Variants in AGO3 observed in about 807,000 individuals in gnomAD.
AGO3 encodes protein argonaute-3.
Under a neutral mutation model 105.5 loss-of-function variants are expected in AGO3, and 16 were observed. The observed-to-expected ratio is 0.15, with a 90% CI of 0.10 to 0.23. The LOEUF (loss-of-function observed/expected upper bound fraction) is 0.23, where lower values mean the gene tolerates loss of function less well. Among genes scored for constraint, AGO3 ranks in the 10% least tolerant of loss-of-function variants. AGO3 has a pLI of 1.00. For synonymous variants in AGO3, 340 were observed against 367.3 expected (o/e 0.93, Z 0.85); for missense variants, 534 against 1,088.0 (o/e 0.49, Z 7.16).
At chr1:35,963,333 T>A (rs1646712389) in intron 2 of AGO3, among the ~76,000 whole-genome samples, 1 of 152,074 alleles carries the variant, frequency 6.6e-6, no homozygotes, top group African/African-American at 2.4e-5. Context: ...ATACAACCAA[T>A]TTTTTACAGA....
intron 2 of AGO3, 74 bp from the exon 3 acceptor site, chr1:35,966,880 AG>A: frequency 6.7e-7 from 1 of 1,482,418 alleles, no homozygotes; most frequent in Non-Finnish European, 9.0e-7. Context: ...ATACAGTGGC[AG>A]AAATTACTTC....
At chr1:36,011,414 T>C (rs1640607807) in intron 9 of AGO3, among the ~76,000 whole-genome samples, 1 of 152,144 alleles carries the variant, frequency 6.6e-6, no homozygotes, top group Admixed American at 6.5e-5. Context: ...ACATGATATT[T>C]AATTAGGAAA....
rs191563313 is a variant in AGO3 at position 36,066,801 on chromosome 1, G to C, written c.*11056G>C. 2.4e-4 allele frequency: 36 copies of C among 152,306 alleles called. No individual in the cohort carries two copies. Among genetic ancestry groups the C allele is most frequent in the African/African-American group, 8.4e-4 (35 of 41,562 alleles). The allele number at this position is 152,306 out of a possible 1,614,324, so 9.4% of individuals were successfully genotyped here. On this transcript the variant is annotated 3_prime_UTR_variant, in exon 19 of 19. Coordinates refer to ENST00000373191, the MANE Select transcript of AGO3 (RefSeq NM_024852.4). ...TAAAGAAATAGACTAGTAGGATTGT[G>C]AGAATATATAGTGAGGGGGGATTTA...
intron 5 of AGO3, among the ~76,000 whole-genome samples, chr1:35,995,568 A>G (rs1156635550): frequency 6.6e-6 from 1 of 152,172 alleles, no homozygotes; most frequent in African/African-American, 2.4e-5. Context: ...ATTATCCTCT[A>G]CTTAACAGCA....
chr1:35,956,834 G>C (rs1332497720), intron 2 of AGO3, among the ~76,000 whole-genome samples: 1 of 151,466 alleles, frequency 6.6e-6, no homozygotes. Context: ...TTTTAGTAGA[G>C]ATAGGGTTTC....
chr1:35,951,113 G>C (rs1646463060), intron 2 of AGO3, among the ~76,000 whole-genome samples: 1 of 152,038 alleles, frequency 6.6e-6, no homozygotes, highest in Non-Finnish European at 1.5e-5. Context: ...CCCATGCCCA[G>C]CTAGCGTTTG....
At position 36,022,797 on chromosome 1, in the gene AGO3, T is replaced by C. The variant is rs7541847; in HGVS notation, c.1407-4317T>C. 8.2e-4 allele frequency among the ~76,000 whole-genome samples: 124 copies of C among 151,918 alleles called. 1 individual carries two copies. Among genetic ancestry groups the C allele is most frequent in the African/African-American group, 2.9e-3 (122 of 41,398 alleles). On this transcript the variant is annotated intron_variant, in intron 11 of 18. Coordinates refer to ENST00000373191, the MANE Select transcript of AGO3 (RefSeq NM_024852.4). The stretch of plus-strand genomic sequence containing the variant: ...AAATACAAAAATTAGCCGGGCCTGG[T>C]GGTGGACACCTGTAATCTCAGCTAC...
intron 11 of AGO3, among the ~76,000 whole-genome samples, chr1:36,024,740 A>G (rs1477223813): frequency 3.3e-5 from 5 of 152,194 alleles, no homozygotes; most frequent in South Asian, 4.2e-4. Flanking sequence ...CTGGAGTGCA[A>G]TGGCGTGATC....
intron 14 of AGO3, among the ~76,000 whole-genome samples, chr1:36,037,453 G>A (rs940946814): frequency 5.9e-5 from 9 of 152,096 alleles, no homozygotes; most frequent in Non-Finnish European, 8.8e-5. Flanking sequence ...CTCGGGAGGC[G>A]GAGGTTGCAG....
In AGO3 at chr1:36,057,596, C is replaced by T. The variant is rs1642961468; in HGVS notation, c.*1851C>T. 1 of 152,104 alleles carries T rather than the reference C, an allele frequency of 6.6e-6. No homozygotes were observed. Among genetic ancestry groups the T allele is most frequent in the Admixed American group, 6.6e-5 (1 of 15,262 alleles). The allele number at this position is 152,104 out of a possible 1,614,324, so 9.4% of individuals were successfully genotyped here. A position where few individuals can be genotyped will look rare whatever the true frequency, so the allele number is the denominator to read the frequency against. On this transcript the variant is annotated 3_prime_UTR_variant, in exon 19 of 19. Transcript: ENST00000373191. ...GGATAGTAGGAGGAACAGGCACCTCCATAGTTTAAAAGGGCAAAGAATACA... is the reference window on the plus strand; with the variant it reads ...GGATAGTAGGAGGAACAGGCACCTCTATAGTTTAAAAGGGCAAAGAATACA...
chr1:35,974,343 A>G (rs1571454657), intron 5 of AGO3, among the ~76,000 whole-genome samples: 1 of 151,968 alleles, frequency 6.6e-6, no homozygotes, highest in Non-Finnish European at 1.5e-5. Flanking sequence ...TAGTAGTCCC[A>G]TTTCCTTTCC....
chr1:36,020,646 C>T lies in AGO3; in HGVS notation c.1407-6468C>T, dbSNP rs181275933. Among the ~76,000 whole-genome samples the T allele has an allele frequency of 7.1e-3, 1,077 of 152,194 alleles. 11 individuals are homozygous for T. Among genetic ancestry groups the T allele is most frequent in the African/African-American group, 0.024 (1,014 of 41,522 alleles). ...TTATTTATTTATTGAGACGGAATCTCGCTCTGTCATCCAAGCTGGAGTGCA... is the reference window on the plus strand; with the variant it reads ...TTATTTATTTATTGAGACGGAATCTTGCTCTGTCATCCAAGCTGGAGTGCA... On this transcript the variant is annotated intron_variant, in intron 11 of 18. Transcript: ENST00000373191.
At chr1:35,993,289 C>A (rs1420766974) in intron 5 of AGO3, among the ~76,000 whole-genome samples, 1 of 151,630 alleles carries the variant, frequency 6.6e-6, no homozygotes, top group Non-Finnish European at 1.5e-5. Context: ...AAGATTAGAG[C>A]AAAATTTAAT....
At chr1:35,998,728 T>A (rs998540930) in intron 5 of AGO3, among the ~76,000 whole-genome samples, 1 of 152,202 alleles carries the variant, frequency 6.6e-6, no homozygotes, top group African/African-American at 2.4e-5. Flanking sequence ...TTCTAGATAC[T>A]AAGCATTTGT....
In AGO3 at chr1:36,062,010, CT is replaced by C. The variant is rs1370164437; in HGVS notation, c.*6269del. ...AACAAAATATTTAGTAGAATTACCT[CT>C]TTTAATTCCCAACTGTGTTGGAGGA... On this transcript the variant is annotated 3_prime_UTR_variant, in exon 19 of 19. Coordinates refer to ENST00000373191, the MANE Select transcript of AGO3 (RefSeq NM_024852.4). 1 of 152,122 alleles carries C rather than the reference CT, an allele frequency of 6.6e-6. No individual in the cohort carries two copies. Among genetic ancestry groups the C allele is most frequent in the Non-Finnish European group, 1.5e-5 (1 of 68,028 alleles). The allele number at this position is 152,122 out of a possible 1,614,324, so 9.4% of individuals were successfully genotyped here. A position where few individuals can be genotyped will look rare whatever the true frequency, so the allele number is the denominator to read the frequency against.
intron 5 of AGO3, among the ~76,000 whole-genome samples, chr1:35,995,209 A>AAATATATAT (rs1237315557): frequency 1.0e-4 from 12 of 114,738 alleles, no homozygotes; most frequent in African/African-American, 4.5e-4. Context: ...TAAAAAAAAA[A>AAATATATAT]ATATATATAT....
intron 9 of AGO3, among the ~76,000 whole-genome samples, chr1:36,013,117 T>C (rs1640702853): frequency 6.6e-6 from 1 of 152,056 alleles, no homozygotes; most frequent in Non-Finnish European, 1.5e-5. Context: ...TTTTTAATTT[T>C]TTGTAGAGAT....
intron 16 of AGO3, among the ~76,000 whole-genome samples, chr1:36,042,623 A>G (rs1642296501): frequency 6.6e-6 from 1 of 152,190 alleles, no homozygotes; most frequent in South Asian, 2.1e-4. Flanking sequence ...TAGCCTTGTA[A>G]ACCTAGACTT....
At chr1:35,981,412 T>C (rs983967955) in intron 5 of AGO3, among the ~76,000 whole-genome samples, 4 of 152,170 alleles carry the variant, frequency 2.6e-5, no homozygotes, top group African/African-American at 9.7e-5. Flanking sequence ...TGGTGGACTC[T>C]TTCTTCAAAA....
Sources: allele counts gnomAD v4.1 joint callset (sites outside exome capture counted in the v4.1 genomes callset), GRCh38; gene constraint gnomAD v4.1.1; transcripts MANE v1.5; gene names NCBI Gene and HGNC (gene_info 2026-07-23, HGNC 2026-07-21).